UNC13C: variants seen among roughly 807,000 people sequenced by gnomAD.
UNC13C encodes the protein protein unc-13 homolog C.
Under a neutral mutation model 245.4 loss-of-function variants are expected in UNC13C, and 174 were observed. The ratio of observed to expected loss-of-function variants is 0.71; its 90% CI spans 0.63 to 0.80. UNC13C has a LOEUF of 0.80. Among genes scored for constraint, UNC13C ranks in the 30% least tolerant of loss-of-function variants. The probability of loss-of-function intolerance (pLI) is 0.00; values close to 1 mark genes in which losing one functional copy is unlikely to be tolerated. For synonymous variants in UNC13C, 992 were observed against 895.1 expected (o/e 1.11, Z -1.93); for missense variants, 2,829 against 2,602.9 (o/e 1.09, Z -1.89).
the UNC13C span, among the ~76,000 whole-genome samples, chr15:53,918,794 C>G: frequency 6.6e-6 from 1 of 152,182 alleles, no homozygotes; most frequent in Non-Finnish European, 1.5e-5. Flanking sequence ...GAGCCTCTCT[C>G]CCCCACACCA....
At chr15:54,030,024 C>G (rs1378975828) in intron 2 of UNC13C, among the ~76,000 whole-genome samples, 1 of 152,286 alleles carries the variant, frequency 6.6e-6, no homozygotes, top group African/African-American at 2.4e-5. Context: ...GCACACTGAA[C>G]CCAAGTCTGG....
At chr15:54,092,500 C>A (rs1899626924) in intron 2 of UNC13C, among the ~76,000 whole-genome samples, 1 of 152,288 alleles carries the variant, frequency 6.6e-6, no homozygotes, top group South Asian at 2.1e-4. Flanking sequence ...TATAATCCCT[C>A]TTTTAAATCA....
intron 2 of UNC13C, among the ~76,000 whole-genome samples, chr15:54,040,948 T>C (rs992975689): frequency 6.6e-6 from 1 of 152,202 alleles, no homozygotes; most frequent in Non-Finnish European, 1.5e-5. Context: ...CAACCCAGCA[T>C]ACCCAATTCC....
chr15:54,224,118 T>A (rs559792587), intron 4 of UNC13C, among the ~76,000 whole-genome samples: 1 of 152,218 alleles, frequency 6.6e-6, no homozygotes, highest in African/African-American at 2.4e-5. Context: ...CCAGTTTAGT[T>A]GCACTTTATA....
intron 22 of UNC13C, among the ~76,000 whole-genome samples, chr15:54,502,969 C>T (rs1449688769): frequency 6.6e-6 from 1 of 152,014 alleles, no homozygotes; most frequent in Non-Finnish European, 1.5e-5. Context: ...CACAATATGC[C>T]TGCTTGGGTA....
At chr15:54,576,055 A>G (rs1897945387) in intron 30 of UNC13C, among the ~76,000 whole-genome samples, 1 of 152,244 alleles carries the variant, frequency 6.6e-6, no homozygotes, top group African/African-American at 2.4e-5. Flanking sequence ...CAAATATTAA[A>G]TAAGGTTACA....
chr15:54,433,652 C>G (rs1216786545), intron 19 of UNC13C, among the ~76,000 whole-genome samples: 1 of 152,008 alleles, frequency 6.6e-6, no homozygotes, highest in East Asian at 1.9e-4. Context: ...AAGCTGAAAA[C>G]ATTCCCTTTG....
chr15:54,404,896 A>G (rs1171645488), intron 18 of UNC13C, among the ~76,000 whole-genome samples: 1 of 152,164 alleles, frequency 6.6e-6, no homozygotes, highest in East Asian at 1.9e-4. Flanking sequence ...TTCCTTTGCA[A>G]TCAAGTTTAT....
At chr15:54,306,713 G>A (rs1297198651) in intron 13 of UNC13C, among the ~76,000 whole-genome samples, 1 of 151,988 alleles carries the variant, frequency 6.6e-6, no homozygotes, top group African/African-American at 2.4e-5. Flanking sequence ...CAAAGTCTGA[G>A]ATTCTATTAG....
At chr15:53,847,262 T>G in the UNC13C span, among the ~76,000 whole-genome samples, 2 of 152,062 alleles carry the variant, frequency 1.3e-5, no homozygotes, top group African/African-American at 4.8e-5. Context: ...TACTTACCAA[T>G]TTGTATATCA....
intron 30 of UNC13C, among the ~76,000 whole-genome samples, chr15:54,592,989 T>G (rs190959769): frequency 2.0e-5 from 3 of 152,152 alleles, no homozygotes; most frequent in Non-Finnish European, 4.4e-5. Flanking sequence ...TAGCAGTTCT[T>G]GTAGTGATGG....
chr15:54,543,192 T>C (rs1896327804), intron 26 of UNC13C, among the ~76,000 whole-genome samples: 1 of 152,136 alleles, frequency 6.6e-6, no homozygotes, highest in Non-Finnish European at 1.5e-5. Flanking sequence ...AAGGCAGACC[T>C]GGTGGTGACA....
chr15:54,185,440 T>C (rs993375798), intron 4 of UNC13C, among the ~76,000 whole-genome samples: 8 of 150,044 alleles, frequency 5.3e-5, no homozygotes, highest in Admixed American at 2.0e-4. Context: ...CTTGAATTAA[T>C]TTTTGTAGAA....
At chr15:54,598,797 C>G (rs1250362953) in intron 30 of UNC13C, among the ~76,000 whole-genome samples, 8 of 152,072 alleles carry the variant, frequency 5.3e-5, no homozygotes, top group Non-Finnish European at 1.5e-5. Flanking sequence ...TAAAAACATT[C>G]ATGCACTTGT....
chr15:53,843,482 C>A, the UNC13C span, among the ~76,000 whole-genome samples: 3 of 152,036 alleles, frequency 2.0e-5, no homozygotes, highest in Non-Finnish European at 4.4e-5. Context: ...ATACATATAT[C>A]ACTCTTTAGG....
intron 24 of UNC13C, among the ~76,000 whole-genome samples, chr15:54,518,692 T>C (rs1264988667): frequency 6.6e-6 from 1 of 152,150 alleles, no homozygotes; most frequent in African/African-American, 2.4e-5. Context: ...CAGAGAACAC[T>C]CTGTCCCCAG....
In UNC13C at chr15:54,610,709, A is replaced by G. The variant is rs553298721; in HGVS notation, c.6107-11618A>G. 3.3e-3 allele frequency among the ~76,000 whole-genome samples: 509 copies of G among 152,312 alleles called. 2 individuals are homozygous for G. The highest frequency in any genetic ancestry group is 0.012 in the African/African-American group (482 of 41,572). Reference sequence around the variant, plus strand: ...GAAATAGGTAAGAACTATTACTCCTATTTTACAGATGTGAGATTTGAGATT... The same window carrying G: ...GAAATAGGTAAGAACTATTACTCCTGTTTTACAGATGTGAGATTTGAGATT... On this transcript the variant is annotated intron_variant, in intron 30 of 32. Coordinates refer to ENST00000260323, the MANE Select transcript of UNC13C (RefSeq NM_001080534.3).
At chr15:54,444,694 G>T (rs1479486989) in intron 19 of UNC13C, among the ~76,000 whole-genome samples, 1 of 151,570 alleles carries the variant, frequency 6.6e-6, no homozygotes, top group Non-Finnish European at 1.5e-5. Context: ...ATTTTTTTGT[G>T]TGTGCTCTAC....
chr15:53,951,536 C>T, the UNC13C span, among the ~76,000 whole-genome samples: 1 of 152,154 alleles, frequency 6.6e-6, no homozygotes, highest in Non-Finnish European at 1.5e-5. Context: ...ACATGGCCAC[C>T]CTATTCTTCA....
Sources: gnomAD v4.1 joint callset for allele counts (sites outside exome capture counted in the v4.1 genomes callset) on GRCh38, gnomAD v4.1.1 for gene constraint, MANE v1.5 for transcripts, NCBI Gene and HGNC (gene_info 2026-07-23, HGNC 2026-07-21) for gene names.